The following ATR variants were observed in gnomAD, a reference collection of about 807,000 sequenced individuals.
ATR encodes serine/threonine-protein kinase ATR.
A neutral mutation model predicts 305.3 loss-of-function variants in ATR; 142 were observed. The ratio of observed to expected loss-of-function variants is 0.47; its 90% confidence interval spans 0.41 to 0.53. ATR has a LOEUF of 0.53. Ranked by LOEUF, ATR falls within the 20% of genes least tolerant of loss-of-function variation. The pLI is 0.00. For missense variants in ATR, 2,135 were observed against 3,133.1 expected (o/e 0.68, Z 7.60); for synonymous variants, 1,050 against 1,068.1 (o/e 0.98, Z 0.33).
In ATR at chr3:142,468,002, A is replaced by G; in HGVS notation, c.6619T>C (p.Ser2207Pro). The G allele has an allele frequency of 6.2e-7, 1 of 1,612,994 alleles. No individual in the cohort carries two copies. Among genetic ancestry groups the G allele is most frequent in the East Asian group, 2.2e-5 (1 of 44,722 alleles). The change falls in exon 39 of 47, where the codon TCC (serine) becomes CCC (proline). Residue 2207 changes from serine to proline, a missense_variant. By Grantham distance (74) the Ser-to-Pro change is moderately conservative. Transcript: ENST00000350721. Reference sequence around the variant, plus strand: ...GCATCTCCAACAAACTTCTCTAAGGATTTTTTCATATGAATAGCTTTATTG... The same window carrying G: ...GCATCTCCAACAAACTTCTCTAAGGGTTTTTTCATATGAATAGCTTTATTG... ...ILNKAIHMKK[S>P]LEKFVGDATR...
intron 45 of ATR, 37 bp downstream of exon 45, chr3:142,457,567 G>T: frequency 1.2e-6 from 2 of 1,611,334 alleles, no homozygotes; most frequent in Middle Eastern, 1.7e-4. Context: ...TATATTCGAG[G>T]TTACTGTTAA....
At chr3:142,507,822 A>G (rs542339496) in intron 28 of ATR, 109 bp downstream of exon 28, 4 of 1,060,382 alleles carry the variant, frequency 3.8e-6, no homozygotes, top group Middle Eastern at 3.0e-4. Flanking sequence ...CCACTAATCT[A>G]TAAGCTTCTA....
chr3:142,470,821 AC>A (rs1466379070), intron 36 of ATR, among the ~76,000 whole-genome samples: 3 of 151,972 alleles, frequency 2.0e-5, no homozygotes, highest in African/African-American at 7.2e-5. Context: ...CAAACCAACC[AC>A]TCAACGCTGT....
chr3:142,470,131 T>C lies in ATR; in HGVS notation c.6274A>G (p.Thr2092Ala), dbSNP rs574382204. 6.2e-7 allele frequency: 1 copy of C among 1,611,444 alleles called. No homozygotes were observed. The highest frequency in any genetic ancestry group is 1.3e-5 in the African/African-American group (1 of 74,954). The part of the protein sequence containing the change: ...FIYQSMPRML[T>A]LWLDYGTKAY... Reference sequence around the variant, plus strand: ...TTTGTACCATAATCAAGCCATAGAGTTAACATTCGTGGCATTGACTGATAT... The same window carrying C: ...TTTGTACCATAATCAAGCCATAGAGCTAACATTCGTGGCATTGACTGATAT... The change falls in exon 37 of 47, where the codon ACT (threonine) becomes GCT (alanine). Residue 2092 changes from threonine (T) to alanine (A), a missense_variant. Physicochemically the swap from Thr to Ala is moderately conservative, Grantham distance 58. Coordinates refer to ENST00000350721, the MANE Select transcript of ATR (RefSeq NM_001184.4).
chr3:142,495,431 A>AT (rs2108329847), intron 34 of ATR, among the ~76,000 whole-genome samples: 1 of 152,232 alleles, frequency 6.6e-6, no homozygotes, highest in East Asian at 1.9e-4. Context: ...CTGAGGAGAA[A>AT]TTTAAGTAAT....
Position 142,460,065 on chromosome 3 carries a change from A to G in ATR, c.7193-682T>C, listed in dbSNP as rs879475572. 1.1e-4 allele frequency among the ~76,000 whole-genome samples: 16 copies of G among 152,126 alleles called. 1 individual carries two copies. The highest frequency in any genetic ancestry group is 1.3e-4 in the Admixed American group (2 of 15,270). The stretch of plus-strand genomic sequence containing the variant: ...ACAATATGTCATGCTCATAAATAAA[A>G]TAGTCAACAGCAAGTTCTTTGAACT... On this transcript the variant is annotated intron_variant, in intron 42 of 46. Coordinates refer to ENST00000350721, the MANE Select transcript of ATR (RefSeq NM_001184.4).
intron 19 of ATR, among the ~76,000 whole-genome samples, chr3:142,536,739 G>A (rs949845809): frequency 6.6e-6 from 1 of 152,156 alleles, no homozygotes; most frequent in African/African-American, 2.4e-5. Flanking sequence ...TGTAAGACCA[G>A]TAGAACTGAC....
chr3:142,485,034 A>G (rs1017293675), intron 36 of ATR, 106 bp downstream of exon 36: 20 of 1,520,504 alleles, frequency 1.3e-5, no homozygotes, highest in Non-Finnish European at 1.6e-5. Flanking sequence ...TGAATCAGTC[A>G]TAAGCCAGAA....
intron 21 of ATR, 36 bp downstream of exon 21, chr3:142,535,042 CTT>C: frequency 6.4e-7 from 1 of 1,572,330 alleles, no homozygotes; most frequent in Non-Finnish European, 8.7e-7. Flanking sequence ...TCCAATCTTT[CTT>C]TGTTATACAT....
At chr3:142,537,865 G>C (rs973833923) in intron 19 of ATR, among the ~76,000 whole-genome samples, 125 of 152,164 alleles carry the variant, frequency 8.2e-4, no homozygotes, top group African/African-American at 2.8e-3. Flanking sequence ...ATAGCCTAAT[G>C]CCTGTTTTGA....
At chr3:142,559,548 T>C in intron 6 of ATR, 107 bp from the exon 7 acceptor site, 1 of 1,054,902 alleles carries the variant, frequency 9.5e-7, no homozygotes, top group Non-Finnish European at 1.4e-6. Flanking sequence ...ACGAAATTTA[T>C]CTATAACAAT....
At chr3:142,565,554 A>G (rs13082705) in intron 3 of ATR, among the ~76,000 whole-genome samples, 1 of 151,938 alleles carries the variant, frequency 6.6e-6, no homozygotes, top group Admixed American at 6.6e-5. Context: ...GTAGTCACAG[A>G]CAATAAGTAA....
chr3:142,517,727 A>T (rs374574912), intron 24 of ATR, among the ~76,000 whole-genome samples: 2 of 152,218 alleles, frequency 1.3e-5, no homozygotes, highest in African/African-American at 2.4e-5. Context: ...AAGACCACTT[A>T]AAAGTTGCTT....
intron 21 of ATR, among the ~76,000 whole-genome samples, chr3:142,528,877 ATATTTTTTT>A (rs2033519191): frequency 2.1e-5 from 1 of 47,712 alleles, no homozygotes; most frequent in African/African-American, 1.4e-4. Context: ...ATATATATAT[ATATTTTTTT>A]TTTTTTTTTT....
rs141720641 is a variant in ATR, at chr3:142,522,734, G to T, written c.4260C>A (p.Ala1420=). 6.2e-7 allele frequency: 1 copy of T among 1,609,752 alleles called. No individual in the cohort carries two copies. Among genetic ancestry groups the T allele is most frequent in the South Asian group, 1.1e-5 (1 of 90,958 alleles). Residue 1420 remains alanine, a synonymous_variant, in exon 23 of 47, where the codon GCC becomes GCA. Transcript: ENST00000350721. The stretch of plus-strand genomic sequence containing the variant: ...TGACTATATCCACTCTTACCTGAAT[G>T]GCATAGGCAGCTGAATCTTGAGCTC... ...NSRAQDSAAY[A]IQELLSIYDC...
At chr3:142,520,444 A>G (rs972674540) in intron 23 of ATR, among the ~76,000 whole-genome samples, 3 of 152,232 alleles carry the variant, frequency 2.0e-5, no homozygotes, top group Non-Finnish European at 2.9e-5. Context: ...CCTAACAGCC[A>G]AGTATAAATG....
At chr3:142,552,943 A>G (rs1577683369) in intron 13 of ATR, among the ~76,000 whole-genome samples, 1 of 142,550 alleles carries the variant, frequency 7.0e-6, no homozygotes, top group East Asian at 2.3e-4. Flanking sequence ...AACAACACAC[A>G]CTGGGGCCTG....
At chr3:142,536,795 G>T (rs1001397238) in intron 19 of ATR, among the ~76,000 whole-genome samples, 2 of 152,148 alleles carry the variant, frequency 1.3e-5, no homozygotes, top group Non-Finnish European at 2.9e-5. Flanking sequence ...AAATAAAAAT[G>T]CTCATTGTTT....
intron 26 of ATR, among the ~76,000 whole-genome samples, chr3:142,513,273 G>A (rs377687305): frequency 6.6e-6 from 1 of 152,134 alleles, no homozygotes; most frequent in African/African-American, 2.4e-5. Flanking sequence ...GACTAAGTTG[G>A]AATAATTTTT....
Sources: allele counts gnomAD v4.1 joint callset (sites outside exome capture counted in the v4.1 genomes callset), GRCh38; gene constraint gnomAD v4.1.1; transcripts MANE v1.5; gene names NCBI Gene and HGNC (gene_info 2026-07-23, HGNC 2026-07-21).